Variants in KCND2 observed in about 807,000 individuals in gnomAD.
KCND2 encodes A-type voltage-gated potassium channel KCND2.
In KCND2, 16 loss-of-function variants were observed where a neutral mutation model predicts 54.4. That is an observed-to-expected ratio of 0.29 (90% CI 0.20 to 0.45). The LOEUF (loss-of-function observed/expected upper bound fraction) is 0.45, where lower values mean the gene tolerates loss of function less well. Among genes scored for constraint, KCND2 ranks in the 20% least tolerant of loss-of-function variants. KCND2 has a pLI of 1.00. For synonymous variants in KCND2, 317 were observed against 310.7 expected (o/e 1.02, Z -0.21); for missense variants, 486 against 824.2 (o/e 0.59, Z 5.02).
intron 1 of KCND2, among the ~76,000 whole-genome samples, chr7:120,673,298 A>G (rs1792017286): frequency 6.6e-6 from 1 of 152,180 alleles, no homozygotes; most frequent in Admixed American, 6.5e-5. Flanking sequence ...AGATCCCTCA[A>G]TACAAAAGCA....
intron 1 of KCND2, among the ~76,000 whole-genome samples, chr7:120,306,456 G>A (rs1359912102): frequency 1.3e-5 from 2 of 151,894 alleles, no homozygotes; most frequent in Admixed American, 6.6e-5. Context: ...AGACAAAACA[G>A]CAAAGTTTAG....
intron 1 of KCND2, among the ~76,000 whole-genome samples, chr7:120,443,280 T>C (rs1329108119): frequency 6.6e-6 from 1 of 151,760 alleles, no homozygotes; most frequent in Non-Finnish European, 1.5e-5. Flanking sequence ...TTTCCTCCCC[T>C]TTTCTGGTTT....
intron 1 of KCND2, among the ~76,000 whole-genome samples, chr7:120,359,829 G>T (rs1800568385): frequency 6.6e-6 from 1 of 152,030 alleles, no homozygotes; most frequent in South Asian, 2.1e-4. Context: ...TCTCGTGATA[G>T]TGAGTGAGTT....
chr7:120,529,778 C>T (rs1791820695), intron 1 of KCND2, among the ~76,000 whole-genome samples: 2 of 152,058 alleles, frequency 1.3e-5, no homozygotes, highest in African/African-American at 2.4e-5. Flanking sequence ...AGGAGTCTAT[C>T]CATGTTCCCC....
At chr7:120,505,129 C>G (rs1367394270) in intron 1 of KCND2, among the ~76,000 whole-genome samples, 6 of 151,544 alleles carry the variant, frequency 4.0e-5, no homozygotes, top group Non-Finnish European at 8.9e-5. Context: ...TGCTAGCTAC[C>G]ATTGAATAAT....
intron 1 of KCND2, among the ~76,000 whole-genome samples, chr7:120,593,655 A>T (rs1249788536): frequency 6.6e-6 from 1 of 152,192 alleles, no homozygotes; most frequent in Non-Finnish European, 1.5e-5. Context: ...TTGGACTCCG[A>T]AATGGAATGA....
intron 1 of KCND2, among the ~76,000 whole-genome samples, chr7:120,586,164 C>G (rs899848917): frequency 6.6e-6 from 1 of 151,824 alleles, no homozygotes; most frequent in African/African-American, 2.4e-5. Flanking sequence ...TACTCACACA[C>G]AGACACACAC....
At chr7:120,514,042 T>G (rs1298678196) in intron 1 of KCND2, among the ~76,000 whole-genome samples, 1 of 152,142 alleles carries the variant, frequency 6.6e-6, no homozygotes, top group East Asian at 1.9e-4. Flanking sequence ...GATGCTCACA[T>G]GTAGTTTCCA....
intron 1 of KCND2, among the ~76,000 whole-genome samples, chr7:120,458,314 A>T (rs1194078155): frequency 6.6e-6 from 1 of 152,230 alleles, no homozygotes; most frequent in Non-Finnish European, 1.5e-5. Flanking sequence ...TCTAAGACAC[A>T]GGAAGGCTGA....
chr7:120,732,418 A>G (rs1290775169), intron 1 of KCND2, among the ~76,000 whole-genome samples: 1 of 152,200 alleles, frequency 6.6e-6, no homozygotes, highest in African/African-American at 2.4e-5. Flanking sequence ...GTGAAGGTTA[A>G]TGGGGACCTT....
At chr7:120,439,097 T>G (rs1030478205) in intron 1 of KCND2, among the ~76,000 whole-genome samples, 9 of 152,220 alleles carry the variant, frequency 5.9e-5, no homozygotes, top group Non-Finnish European at 1.2e-4. Flanking sequence ...TGTGCTTTAT[T>G]AAGAAAGTAG....
intron 1 of KCND2, among the ~76,000 whole-genome samples, chr7:120,474,520 C>CTTT (rs746574292): frequency 7.1e-6 from 1 of 140,888 alleles, no homozygotes; most frequent in Non-Finnish European, 1.6e-5. Flanking sequence ...TTTTTCTTTA[C>CTTT]TTTTTTTTTT....
At chr7:120,522,088 T>G (rs1295437539) in intron 1 of KCND2, among the ~76,000 whole-genome samples, 1 of 152,184 alleles carries the variant, frequency 6.6e-6, no homozygotes, top group Non-Finnish European at 1.5e-5. Context: ...CCAATCTGAC[T>G]TTTTGTGGCT....
chr7:120,717,628 G>T lies in KCND2; in HGVS notation c.1116-15275G>T, dbSNP rs528082045. 7.9e-5 allele frequency among the ~76,000 whole-genome samples: 12 copies of T among 152,156 alleles called. No homozygotes were observed. In the East Asian group the frequency reaches 2.1e-3, roughly 27 times the overall value. On this transcript the variant is annotated intron_variant, in intron 1 of 5. Coordinates refer to ENST00000331113, the MANE Select transcript of KCND2 (RefSeq NM_012281.3). The stretch of plus-strand genomic sequence containing the variant: ...ATGGAGTTGAAAGCAAACCATTTCA[G>T]TATCATCATAGACAGCAACTTACTC...
intron 1 of KCND2, among the ~76,000 whole-genome samples, chr7:120,400,628 T>C (rs1801237378): frequency 6.6e-6 from 1 of 151,718 alleles, no homozygotes; most frequent in Admixed American, 6.6e-5. Flanking sequence ...ATTTAATCAA[T>C]TAAACTACCA....
intron 1 of KCND2, among the ~76,000 whole-genome samples, chr7:120,409,097 A>G (rs1801409224): frequency 6.6e-6 from 1 of 151,932 alleles, no homozygotes; most frequent in South Asian, 2.1e-4. Flanking sequence ...CCAAGGAAAC[A>G]TATGTGATTT....
At position 120,661,649 on chromosome 7, in the gene KCND2, C is replaced by CA. The variant is rs796133968; in HGVS notation, c.1116-71242dup. The stretch of plus-strand genomic sequence containing the variant: ...TGGGTGACAGAGCTAGACTTCTTCT[C>CA]AAAAAAAAAAAAGAAAGAAAGGAGA... On this transcript the variant is annotated intron_variant, in intron 1 of 5. Coordinates refer to ENST00000331113, the MANE Select transcript of KCND2 (RefSeq NM_012281.3). 5.3e-3 allele frequency among the ~76,000 whole-genome samples: 637 copies of CA among 121,268 alleles called. 5 individuals are homozygous for CA. The highest frequency in any genetic ancestry group is 0.016 in the African/African-American group (482 of 29,592). The allele number at this position is 121,268 out of a possible 152,430, so 79.6% of individuals were successfully genotyped here. A position where few individuals can be genotyped will look rare whatever the true frequency, so the allele number is the denominator to read the frequency against.
intron 1 of KCND2, among the ~76,000 whole-genome samples, chr7:120,452,721 C>A (rs944123113): frequency 3.9e-5 from 6 of 152,320 alleles, no homozygotes; most frequent in Non-Finnish European, 7.4e-5. Context: ...GTGCTGAGAG[C>A]AGGCTCCAGC....
chr7:120,533,633 A>G (rs180766110), intron 1 of KCND2, among the ~76,000 whole-genome samples: 147 of 152,180 alleles, frequency 9.7e-4, no homozygotes, highest in African/African-American at 3.4e-3. Context: ...TCTATAATGT[A>G]TGGGTTTTAT....
Sources: allele counts gnomAD v4.1 joint callset (sites outside exome capture counted in the v4.1 genomes callset), GRCh38; gene constraint gnomAD v4.1.1; transcripts MANE v1.5; gene names NCBI Gene and HGNC (gene_info 2026-07-23, HGNC 2026-07-21).